Variants in DDX60L observed in about 807,000 individuals in gnomAD.
DDX60L encodes the protein DExD/H-box 60 like, also known as probable ATP-dependent RNA helicase DDX60-like.
In DDX60L, 191 loss-of-function variants were observed where a neutral mutation model predicts 211.6. That is an observed-to-expected ratio of 0.90 (90% CI 0.80 to 1.02). The LOEUF (loss-of-function observed/expected upper bound fraction) is 1.02, where lower values mean the gene tolerates loss of function less well. DDX60L is among the 50% of genes least tolerant of loss of function. DDX60L has a pLI of 0.00. For missense variants in DDX60L, 2,007 were observed against 1,984.1 expected, an observed-to-expected ratio of 1.01 and a Z score of -0.22; for synonymous variants, 706 against 694.1, an observed-to-expected ratio of 1.02 and a Z score of -0.27.
chr4:168,442,534 G>A (rs903536293), intron 9 of DDX60L, among the ~76,000 whole-genome samples: 19 of 152,238 alleles, frequency 1.2e-4, no homozygotes, highest in Non-Finnish European at 1.9e-4. Context: ...CACAGCTCAA[G>A]GAGGCCTGCC....
intron 5 of DDX60L, among the ~76,000 whole-genome samples, chr4:168,460,969 G>T (rs1757247128): frequency 6.6e-6 from 1 of 152,182 alleles, no homozygotes; most frequent in Non-Finnish European, 1.5e-5. Flanking sequence ...GATGCACAGG[G>T]CAAGGTATGA....
chr4:168,375,505 G>A lies in DDX60L; in HGVS notation c.4505C>T (p.Pro1502Leu), dbSNP rs540740000. 215 of 1,610,144 alleles carry A rather than the reference G, an allele frequency of 1.3e-4. 1 individual carries two copies. The South Asian group carries it at 2.0e-3, about 15-fold the overall frequency. Residue 1502 changes from proline to leucine, a missense_variant, in exon 34 of 38, where the codon CCG becomes CTG. Transcript: ENST00000682922. ...SQSKVILAEL[P>L]EDFKAALYEY... is the part of the protein sequence containing the mutation. ...ATATAAAGCAGCTTTAAAATCCTCC[G>A]GGAGTTCGGCAAGGATCACCTATGG... is the stretch of plus-strand genomic sequence containing the variant.
At chr4:168,391,468 A>T in intron 29 of DDX60L, 72 bp downstream of exon 29, 1 of 979,994 alleles carries the variant, frequency 1.0e-6, no homozygotes. Flanking sequence ...CTGTTACCAG[A>T]TGTGAGTGCC....
intron 29 of DDX60L, among the ~76,000 whole-genome samples, chr4:168,389,232 C>G (rs1222291269): frequency 6.6e-6 from 1 of 152,164 alleles, no homozygotes; most frequent in East Asian, 1.9e-4. Context: ...GAGGACAACA[C>G]CTAGGAGCAG....
In DDX60L at chr4:168,415,712, A is replaced by G. The variant is rs1238854026; in HGVS notation, c.2814T>C (p.Cys938=). Residue 938 remains cysteine, a synonymous_variant, in exon 21 of 38, where the codon TGT becomes TGC. Coordinates refer to ENST00000682922, the MANE Select transcript of DDX60L (RefSeq NM_001012967.3). ...KCISEKQADK[C]LNFLQDHSYK... is the part of the protein sequence containing the mutation. ...ATGAATGGTCTTGGAGAAAGTTGAG[A>G]CATTTGTCAGCCTGTTTTTCAGAAA... The G allele has an allele frequency of 3.7e-6, 6 of 1,604,214 alleles. No homozygotes were observed. The highest frequency in any genetic ancestry group is 5.1e-6 in the Non-Finnish European group (6 of 1,174,466).
intron 22 of DDX60L, among the ~76,000 whole-genome samples, chr4:168,407,813 C>T (rs1748011504): frequency 6.6e-6 from 1 of 152,228 alleles, no homozygotes; most frequent in East Asian, 1.9e-4. Context: ...CTAATCACTA[C>T]TCCCTGGGGT....
At chr4:168,430,441 T>A (rs1237135902) in intron 13 of DDX60L, 37 bp downstream of exon 13, 1 of 1,528,686 alleles carries the variant, frequency 6.5e-7, no homozygotes, top group South Asian at 1.3e-5. Flanking sequence ...CAAAACAACA[T>A]CAAAGAAAAA....
At chr4:168,432,195 A>G (rs1752451617) in intron 12 of DDX60L, among the ~76,000 whole-genome samples, 1 of 151,178 alleles carries the variant, frequency 6.6e-6, no homozygotes, top group South Asian at 2.1e-4. Flanking sequence ...TTTTTTTCAG[A>G]CAGCATGCTT....
intron 36 of DDX60L, 59 bp from the exon 37 acceptor site, chr4:168,361,270 A>G (rs1414686521): frequency 2.9e-5 from 34 of 1,190,944 alleles, no homozygotes; most frequent in Non-Finnish European, 1.2e-6. Flanking sequence ...AAAAGAATTA[A>G]CTCAAACTTT....
At chr4:168,440,048 G>T (rs1753601612) in intron 10 of DDX60L, among the ~76,000 whole-genome samples, 1 of 152,140 alleles carries the variant, frequency 6.6e-6, no homozygotes, top group African/African-American at 2.4e-5. Context: ...GCACCCATCA[G>T]AATGGCCAAA....
chr4:168,456,246 A>G (rs1756556074), intron 6 of DDX60L, 94 bp from the exon 7 acceptor site: 1 of 631,666 alleles, frequency 1.6e-6, no homozygotes, highest in South Asian at 3.2e-5. Context: ...AAAGAAAACG[A>G]TTGTATAGAT....
At chr4:168,372,420 A>C (rs148793701) in intron 35 of DDX60L, among the ~76,000 whole-genome samples, 33 of 152,262 alleles carry the variant, frequency 2.2e-4, no homozygotes, top group African/African-American at 7.5e-4. Context: ...CTGTGGAGCA[A>C]GTTGGAATAA....
chr4:168,397,742 G>T (rs1254974124), intron 26 of DDX60L, among the ~76,000 whole-genome samples: 1 of 152,222 alleles, frequency 6.6e-6, no homozygotes, highest in Non-Finnish European at 1.5e-5. Flanking sequence ...ATCTGGAGCG[G>T]CCGCTGCCAG....
chr4:168,437,380 T>G (rs1753188533), intron 10 of DDX60L, among the ~76,000 whole-genome samples: 1 of 152,132 alleles, frequency 6.6e-6, no homozygotes, highest in Admixed American at 6.5e-5. Context: ...ATGAAAGTGA[T>G]GCATCTACAA....
chr4:168,412,758 A>C (rs892011890), intron 22 of DDX60L, among the ~76,000 whole-genome samples: 1 of 152,226 alleles, frequency 6.6e-6, no homozygotes, highest in Non-Finnish European at 1.5e-5. Flanking sequence ...AACCCAGTGC[A>C]GTCTCTGCAG....
chr4:168,427,448 G>T (rs1171874060), intron 13 of DDX60L, 126 bp from the exon 14 acceptor site: 1 of 1,030,170 alleles, frequency 9.7e-7, no homozygotes. Context: ...GCACAGGCAA[G>T]AATTCTTAAT....
intron 20 of DDX60L, 62 bp from the exon 21 acceptor site, chr4:168,415,861 A>C: frequency 1.5e-6 from 2 of 1,330,226 alleles, no homozygotes; most frequent in Non-Finnish European, 2.0e-6. Flanking sequence ...AAGAACTTGG[A>C]TATTTTAAAC....
rs539201266 is a variant in DDX60L, at chr4:168,379,910, C to T, written c.4117-80G>A. 5.5e-5 allele frequency: 48 copies of T among 865,720 alleles called. No homozygotes were observed. The South Asian group carries it at 7.2e-4, about 13-fold the overall frequency. The allele number at this position is 865,720 out of a possible 1,614,324, so 53.6% of individuals were successfully genotyped here. A position where few individuals can be genotyped will look rare whatever the true frequency, so the allele number is the denominator to read the frequency against. ...TGATATGTAATAAATAGTACACATA[C>T]ATACTATATAGATAAGGTTACCAGA... On this transcript the variant is annotated intron_variant, in intron 30 of 37. Coordinates refer to ENST00000682922, the MANE Select transcript of DDX60L (RefSeq NM_001012967.3).
chr4:168,463,734 A>C (rs1217690214), intron 4 of DDX60L, among the ~76,000 whole-genome samples: 4 of 152,086 alleles, frequency 2.6e-5, no homozygotes, highest in African/African-American at 4.8e-5. Flanking sequence ...CCCCCACCCC[A>C]AAAAAATCCT....
Sources: allele counts gnomAD v4.1 joint callset (sites outside exome capture counted in the v4.1 genomes callset), GRCh38; gene constraint gnomAD v4.1.1; transcripts MANE v1.5; gene names NCBI Gene and HGNC (gene_info 2026-07-23, HGNC 2026-07-21).